Variants in ESPN observed in about 807,000 individuals in gnomAD.
The protein encoded by ESPN is autosomal recessive deafness type 36 protein.
Under a neutral mutation model 77.7 loss-of-function variants are expected in ESPN, and 68 were observed. That is an observed-to-expected ratio of 0.87 (90% CI 0.72 to 1.07). ESPN has a LOEUF of 1.07. ESPN is among the 50% of genes least tolerant of loss of function. ESPN has a pLI of 0.00. For missense variants in ESPN, 1,060 were observed against 1,239.0 expected, an observed-to-expected ratio of 0.86 and a Z score of 2.17; for synonymous variants, 449 against 567.1, an observed-to-expected ratio of 0.79 and a Z score of 2.96.
At chr1:6,452,194 TTTTC>T (rs937592609) in intron 10 of ESPN, 98 bp downstream of exon 10, 33 of 1,328,120 alleles carry the variant, frequency 2.5e-5, no homozygotes, top group African/African-American at 1.3e-4. Context: ...GGACCTCCCA[TTTTC>T]TTTCTTTTTT....
Position 6,448,976 on chromosome 1 carries a change from A to G in ESPN, c.1800A>G (p.Pro600=), listed in dbSNP as rs1050848487. Residue 600 remains proline, a synonymous_variant, in exon 8 of 13, where the codon CCA becomes CCG. Coordinates refer to ENST00000645284, the MANE Select transcript of ESPN (RefSeq NM_031475.3). The stretch of plus-strand genomic sequence containing the variant: ...CCAGGGAGCTGCCACCGCCGCCCCC[A>G]CCGCCGCCGCCGCCCCTGCCGGAGG... ...KASRELPPPP[P]PPPPPLPEAA... 3 of 1,419,466 alleles carry G rather than the reference A, an allele frequency of 2.1e-6. No individual in the cohort carries two copies. Among genetic ancestry groups the G allele is most frequent in the South Asian group, 1.4e-5 (1 of 70,036 alleles). 87.9% of individuals were successfully genotyped at this position (1,419,466 alleles called of 1,614,324 possible).
intron 12 of ESPN, among the ~76,000 whole-genome samples, chr1:6,458,927 C>A (rs1644102404): frequency 1.6e-5 from 2 of 123,628 alleles, no homozygotes; most frequent in South Asian, 4.8e-4. Context: ...AGTGAGACTC[C>A]ATTTCAAAAA....
At chr1:6,457,104 A>C (rs1461587528) in intron 10 of ESPN, 80 bp from the exon 11 acceptor site, 1 of 1,354,168 alleles carries the variant, frequency 7.4e-7, no homozygotes, top group Non-Finnish European at 1.0e-6. Flanking sequence ...TGTGACCCTG[A>C]CTCCTTCAGG....
At chr1:6,455,949 C>G in intron 10 of ESPN, 1 of 398,738 alleles carries the variant, frequency 2.5e-6, no homozygotes, top group Middle Eastern at 6.3e-4. Flanking sequence ...AGAGGCTGCT[C>G]CATTTCAGAC....
At chr1:6,461,104 G>C (rs1644156947), downstream of ESPN, 3 of 559,858 alleles carry the variant, frequency 5.4e-6, no homozygotes. This position sits in a 1 kb window ranked among gnomAD's most constrained non-coding sequence, Gnocchi z 6.3. Context: ...CTCGAGAAAA[G>C]TCCAGTCCAC....
At chr1:6,435,391 C>T (rs370252153) in intron 2 of ESPN, among the ~76,000 whole-genome samples, 3 of 152,328 alleles carry the variant, frequency 2.0e-5, no homozygotes, top group South Asian at 2.1e-4. Context: ...CAGTCTCCGC[C>T]GGAGATTCCC....
At chr1:6,439,664 A>T (rs1165857796) in intron 2 of ESPN, among the ~76,000 whole-genome samples, 1 of 152,148 alleles carries the variant, frequency 6.6e-6, no homozygotes, top group East Asian at 1.9e-4. Flanking sequence ...TCATGGTGAC[A>T]GTGGGTGAGA....
At position 6,425,049 on chromosome 1, in the gene ESPN, C is replaced by T. The variant is rs1461523328; in HGVS notation, c.94C>T (p.Arg32Cys). The change falls in exon 1 of 13, where the codon CGC becomes TGC. Residue 32 changes from arginine to cysteine, a missense_variant. Around this residue, in one of 3 missense-constraint regions of ESPN, gnomAD observed 556 missense variants for 633.6 expected, o/e 0.88. Transcript: ENST00000645284. ...CGCAGGCCTCCTGGGGCCCTCGCTG[C>T]GCGACCCGCTGGACGCGCTGCCCGT... ...HAAGLLGPSL[R>C]DPLDALPVHH... The T allele has an allele frequency of 1.4e-6, 2 of 1,469,184 alleles. No individual in the cohort carries two copies. The highest frequency in any genetic ancestry group is 2.4e-5 in the Admixed American group (1 of 40,950). 91.0% of individuals were successfully genotyped at this position (1,469,184 alleles called of 1,614,324 possible). A position where few individuals can be genotyped will look rare whatever the true frequency, so the allele number is the denominator to read the frequency against.
chr1:6,452,047 T>G lies in ESPN; in HGVS notation c.2276T>G (p.Val759Gly), dbSNP rs867461245. 6.3e-6 allele frequency: 10 copies of G among 1,575,478 alleles called. No individual in the cohort carries two copies. In the African/African-American group the frequency reaches 8.1e-5, roughly 13 times the overall value. The part of the protein sequence containing the change: ...PIPEWKRQVM[V>G]RKMQLKMQEE... Reference sequence around the variant, plus strand: ...CCCGAGTGGAAGCGCCAGGTGATGGTGCGCAAGATGCAGCTGAAGATGCAG... The same window carrying G: ...CCCGAGTGGAAGCGCCAGGTGATGGGGCGCAAGATGCAGCTGAAGATGCAG... Residue 759 changes from valine to glycine, a missense_variant, in exon 10 of 13, where the codon GTG becomes GGG. This residue lies in a region of ESPN where 374 missense variants were observed against 381.4 expected (regional missense o/e 0.98). Transcript: ENST00000645284.
intron 2 of ESPN, among the ~76,000 whole-genome samples, chr1:6,431,095 CTGTGGGGG>C (rs1643229637): frequency 6.6e-6 from 1 of 152,224 alleles, no homozygotes; most frequent in South Asian, 2.1e-4. Context: ...CTGGGCAGGG[CTGTGGGGG>C]TCAGGGAGCT....
At chr1:6,425,927 G>A (rs905479462) in intron 1 of ESPN, among the ~76,000 whole-genome samples, 3 of 152,242 alleles carry the variant, frequency 2.0e-5, no homozygotes, top group Non-Finnish European at 4.4e-5. Context: ...AACAAGAAGT[G>A]CAGAGCCCTG....
At chr1:6,426,517 C>T (rs1184935948) in intron 1 of ESPN, among the ~76,000 whole-genome samples, 1 of 152,158 alleles carries the variant, frequency 6.6e-6, no homozygotes, top group Non-Finnish European at 1.5e-5. Context: ...TTGGGCTTGC[C>T]CAGCCCAGAG....
chr1:6,459,559 A>C (rs1444680871), intron 12 of ESPN, among the ~76,000 whole-genome samples: 1 of 152,210 alleles, frequency 6.6e-6, no homozygotes, highest in African/African-American at 2.4e-5. Context: ...TGTTCTAATA[A>C]CTTGTCTCTA....
At position 6,440,008 on chromosome 1, in the gene ESPN, C is replaced by CA. The variant is rs61328926; in HGVS notation, c.489-236dup. Among the ~76,000 whole-genome samples, 25,624 of 148,300 alleles carry CA rather than the reference C, an allele frequency of 0.17. 2,492 individuals are homozygous for CA. The highest frequency in any genetic ancestry group is 0.27 in the African/African-American group (11,080 of 40,310). On this transcript the variant is annotated intron_variant, in intron 2 of 12. Transcript: ENST00000645284. ...TGGGCGACAGAGCTAGACTTCTTCT[C>CA]AAAAAAAAAAGTAGGACTGAGGGCA... is the stretch of plus-strand genomic sequence containing the variant.
intron 10 of ESPN, chr1:6,454,327 G>A (rs1487445087): frequency 5.0e-6 from 2 of 397,960 alleles, no homozygotes; most frequent in Admixed American, 4.4e-5. Flanking sequence ...GCAGCCCCGC[G>A]GAGCCATTAC....
chr1:6,448,623 G>T lies in ESPN; in HGVS notation c.1465-18G>T, dbSNP rs1474577382. The T allele has an allele frequency of 7.7e-6, 12 of 1,554,246 alleles. No individual in the cohort carries two copies. The highest frequency in any genetic ancestry group is 2.8e-5 in the African/African-American group (2 of 72,148). On this transcript the variant is annotated intron_variant, in intron 7 of 12. Transcript: ENST00000645284. ...CCGGGCAGGTGCCCGAGCCCCACCG[G>T]TCACTGTCTTCCCGCAGCTGAGCTC...
At position 6,457,203 on chromosome 1, in the gene ESPN, G is replaced by C. The variant is rs764608871; in HGVS notation, c.2345G>C (p.Arg782Pro). 1.1e-5 allele frequency: 17 copies of C among 1,608,384 alleles called. No individual in the cohort carries two copies. The highest frequency in any genetic ancestry group is 1.4e-5 in the Non-Finnish European group (17 of 1,177,262). The change falls in exon 11 of 13, where the codon CGG becomes CCG. Residue 782 changes from arginine (R) to proline (P), a missense_variant. Around this residue, in one of 3 missense-constraint regions of ESPN, gnomAD observed 374 missense variants for 381.4 expected, o/e 0.98. Transcript: ENST00000645284. ...QRRKEEEEEA[R>P]LASMPAWRRD... ...TTTCAGGAGGAGGAGGAGGAGGCCC[G>C]GCTGGCCAGCATGCCCGCCTGGAGG... is the stretch of plus-strand genomic sequence containing the variant.
rs771857330 is a variant in ESPN, at chr1:6,425,107, G to C, written c.152G>C (p.Cys51Ser). 13 of 1,507,848 alleles carry C rather than the reference G, an allele frequency of 8.6e-6. No homozygotes were observed. In the South Asian group the frequency reaches 1.2e-4, roughly 14 times the overall value. The allele number at this position is 1,507,848 out of a possible 1,614,324, so 93.4% of individuals were successfully genotyped here. A position where few individuals can be genotyped will look rare whatever the true frequency, so the allele number is the denominator to read the frequency against. The part of the protein sequence containing the change: ...HHAARAGKLH[C>S]LRFLVEEAAL... ...GCGGCCCGCGCTGGGAAGCTGCACT[G>C]TCTGCGCTTCCTGGTGGAGGAAGCC... Residue 51 changes from cysteine (C) to serine (S), a missense_variant, in exon 1 of 13, where the codon TGT becomes TCT. Coordinates refer to ENST00000645284, the MANE Select transcript of ESPN (RefSeq NM_031475.3).
At chr1:6,446,198 G>T (rs1334654877) in intron 7 of ESPN, among the ~76,000 whole-genome samples, 2 of 152,164 alleles carry the variant, frequency 1.3e-5, no homozygotes, top group South Asian at 4.1e-4. Context: ...GCCTCACCAG[G>T]AACTGGGCCT....
Sources: gnomAD v4.1 joint callset for allele counts (sites outside exome capture counted in the v4.1 genomes callset) on GRCh38, gnomAD v4.1.1 for gene constraint, gnomAD v4.1.1 regional missense constraint, Gnocchi (gnomAD v3.1) non-coding constraint, MANE v1.5 for transcripts, NCBI Gene and HGNC (gene_info 2026-07-23, HGNC 2026-07-21) for gene names.